Variants in KIF23 observed in about 807,000 individuals in gnomAD.
The protein encoded by KIF23 is kinesin family member 23.
KIF23 carries 30 observed loss-of-function variants against 137.5 expected under a neutral mutation model. The observed-to-expected ratio is 0.22, with a 90% CI of 0.16 to 0.30. The LOEUF is 0.30. KIF23 is among the 10% of genes least tolerant of loss of function. KIF23 has a pLI of 1.00. For synonymous variants in KIF23, 367 were observed against 391.1 expected, an observed-to-expected ratio of 0.94 and a Z score of 0.73; for missense variants, 920 against 1,194.3, an observed-to-expected ratio of 0.77 and a Z score of 3.38.
At position 69,416,021 on chromosome 15, in the gene KIF23, C is replaced by A. The variant is rs1236416578; in HGVS notation, c.39C>A (p.Thr13=). The A allele has an allele frequency of 6.3e-7, 1 of 1,577,590 alleles. No homozygotes were observed. Among genetic ancestry groups the A allele is most frequent in the Admixed American group, 2.0e-5 (1 of 49,496 alleles). Residue 13 remains threonine, a synonymous_variant, in exon 2 of 24, where the codon ACC becomes ACA. Transcript: ENST00000679126. The part of the protein sequence containing the change: ...SARAKTPRKP[T]VKKGSQTNLK... ...GAGCTAAGACACCCCGGAAACCTAC[C>A]GTGAAAAAAGGGTCCCAAACGAACC...
chr15:69,429,803 T>A (rs978848800), intron 11 of KIF23, among the ~76,000 whole-genome samples: 19 of 152,118 alleles, frequency 1.2e-4, no homozygotes, highest in African/African-American at 4.6e-4. Context: ...TGTGGATCAC[T>A]TGAGCCCAGG....
At chr15:69,436,760 ATTT>A in intron 15 of KIF23, 38 bp downstream of exon 15, 2 of 1,080,496 alleles carry the variant, frequency 1.9e-6, no homozygotes, top group East Asian at 3.4e-5. Flanking sequence ...TTATTTAATT[ATTT>A]TTTTTTTTTG....
Position 69,417,386 on chromosome 15 carries a change from T to C in KIF23, c.85T>C (p.Tyr29His). The change falls in exon 3 of 24, where the codon TAC becomes CAC. Residue 29 changes from tyrosine to histidine, a missense_variant. Tyr to His is a moderately conservative substitution (Grantham distance 83). Transcript: ENST00000679126. ...AAGCACCTTCCTATTTCTTCAGGTA[T>C]ACTGTAGGGTGCGCCCACTGGGCTT... ...QTNLKDPVGV[Y>H]CRVRPLGFPD... 1.9e-6 allele frequency: 3 copies of C among 1,597,718 alleles called. No homozygotes were observed. The highest frequency in any genetic ancestry group is 4.5e-5 in the East Asian group (2 of 44,498).
Position 69,436,300 on chromosome 15 carries a change from C to A in KIF23, c.1438+39C>A, listed in dbSNP as rs747761607. 15 of 1,569,780 alleles carry A rather than the reference C, an allele frequency of 9.6e-6. No individual in the cohort carries two copies. The South Asian group carries it at 1.8e-4, about 19-fold the overall frequency. On this transcript the variant is annotated intron_variant, in intron 14 of 23. Coordinates refer to ENST00000679126, the MANE Select transcript of KIF23 (RefSeq NM_001367805.3). ...TTGTATCATTTGTCCACTCATTGGT[C>A]TGTCTGTTTCTCTCTTTTTTAAAAA...
chr15:69,437,443 A>G (rs1321649599), intron 15 of KIF23, among the ~76,000 whole-genome samples: 4 of 150,860 alleles, frequency 2.7e-5, no homozygotes, highest in Non-Finnish European at 5.9e-5. Context: ...ATCTCAGTGA[A>G]TGAATGTATC....
At chr15:69,415,183 C>G (rs1879837879) in intron 1 of KIF23, among the ~76,000 whole-genome samples, 1 of 152,078 alleles carries the variant, frequency 6.6e-6, no homozygotes, top group Non-Finnish European at 1.5e-5. Flanking sequence ...CAAAAGACAA[C>G]TTGTTTATTA....
chr15:69,436,020 C>T (rs2057469163), intron 13 of KIF23, 118 bp from the exon 14 acceptor site: 4 of 1,384,588 alleles, frequency 2.9e-6, no homozygotes, highest in Non-Finnish European at 3.9e-6. Flanking sequence ...CACTGCACTC[C>T]AGCCTGGTGA....
In KIF23 at chr15:69,426,433, T is replaced by C; in HGVS notation, c.987T>C (p.Asp329=). The C allele has an allele frequency of 1.2e-6, 2 of 1,614,196 alleles. No homozygotes were observed. The highest frequency in any genetic ancestry group is 2.2e-5 in the South Asian group (2 of 91,088). The change falls in exon 10 of 24, where the codon GAT becomes GAC. Residue 329 remains aspartate, a synonymous_variant. Coordinates refer to ENST00000679126, the MANE Select transcript of KIF23 (RefSeq NM_001367805.3). ...FNIKLVQAPL[D]ADGDNVLQEK... ...TTAAATTAGTTCAGGCTCCCTTGGA[T>C]GCAGATGGAGACAATGTCTTACAGG...
At chr15:69,445,577 A>G (rs2057723344) in intron 20 of KIF23, among the ~76,000 whole-genome samples, 2 of 151,968 alleles carry the variant, frequency 1.3e-5, no homozygotes, top group Admixed American at 6.6e-5. Flanking sequence ...TTTTATTTCA[A>G]TTTCAATTTA....
chr15:69,436,310 C>CCTG, intron 14 of KIF23, 49 bp downstream of exon 14: 1 of 1,562,658 alleles, frequency 6.4e-7, no homozygotes, highest in Non-Finnish European at 8.6e-7. Flanking sequence ...CTGTCTGTTT[C>CCTG]TCTCTTTTTT....
intron 11 of KIF23, among the ~76,000 whole-genome samples, chr15:69,430,156 G>A (rs867093031): frequency 6.6e-6 from 1 of 152,096 alleles, no homozygotes; most frequent in African/African-American, 2.4e-5. Flanking sequence ...CCAATTGAAG[G>A]CTTTAAATAT....
intron 9 of KIF23, 31 bp downstream of exon 9, chr15:69,426,213 G>A (rs1300003554): frequency 3.1e-6 from 5 of 1,588,308 alleles, no homozygotes; most frequent in African/African-American, 1.4e-5. Context: ...GAAAAATACA[G>A]AATGATGAAT....
At chr15:69,446,127 G>T in intron 21 of KIF23, 36 bp downstream of exon 21, 1 of 1,577,712 alleles carries the variant, frequency 6.3e-7, no homozygotes, top group Non-Finnish European at 8.7e-7. Flanking sequence ...ATAAAAGTTG[G>T]TCATTTTCTT....
rs148355467 is a variant in KIF23 at position 69,436,392 on chromosome 15, A to G, written c.1438+131A>G. On this transcript the variant is annotated intron_variant, in intron 14 of 23. Coordinates refer to ENST00000679126, the MANE Select transcript of KIF23 (RefSeq NM_001367805.3). ...GAACCAAGCACATAATAATTTGAAC[A>G]AAATTTAAATGAGCTTATTTTGCAT... is the stretch of plus-strand genomic sequence containing the variant. The G allele has an allele frequency of 1.0e-3, 1,318 of 1,313,806 alleles. 13 individuals are homozygous for G. The African/African-American group carries it at 0.018, about 18-fold the overall frequency. 81.4% of individuals were successfully genotyped at this position (1,313,806 alleles called of 1,614,324 possible).
chr15:69,417,367 CT>C lies in KIF23; in HGVS notation c.82-14del. 6.5e-7 allele frequency: 1 copy of C among 1,547,764 alleles called. No individual in the cohort carries two copies. Among genetic ancestry groups the C allele is most frequent in the Non-Finnish European group, 8.7e-7 (1 of 1,148,858 alleles). On this transcript the variant is annotated splice_polypyrimidine_tract_variant and intron_variant, in intron 2 of 23. Coordinates refer to ENST00000679126, the MANE Select transcript of KIF23 (RefSeq NM_001367805.3). ...AGGTCGAACTTTCTTCTTAAAGCACCTTCCTATTTCTTCAGGTATACTGTAG... is the reference window on the plus strand; with the variant it reads ...AGGTCGAACTTTCTTCTTAAAGCACCTCCTATTTCTTCAGGTATACTGTAG...
At chr15:69,434,737 C>A in intron 11 of KIF23, 1 of 1,291,830 alleles carries the variant, frequency 7.7e-7, no homozygotes, top group Non-Finnish European at 1.1e-6. Flanking sequence ...TCCTTGGGCA[C>A]GAACGCGCTG....
chr15:69,446,633 T>G (rs1310900000), intron 22 of KIF23: 11 of 617,864 alleles, frequency 1.8e-5, no homozygotes. Context: ...CCAACTCTCT[T>G]TGCAAACTTA....
At chr15:69,423,121 G>T in intron 6 of KIF23, 38 bp from the exon 7 acceptor site, 1 of 1,333,454 alleles carries the variant, frequency 7.5e-7, no homozygotes, top group Non-Finnish European at 1.1e-6. Context: ...TTTTAAAATG[G>T]ACTTATAACG....
chr15:69,424,198 C>A (rs2057131394), intron 7 of KIF23, among the ~76,000 whole-genome samples: 5 of 152,176 alleles, frequency 3.3e-5, no homozygotes, highest in Admixed American at 3.3e-4. Flanking sequence ...ATACTTGATA[C>A]AAGCATTTCT....
Sources: gnomAD v4.1 joint callset for allele counts (sites outside exome capture counted in the v4.1 genomes callset) on GRCh38, gnomAD v4.1.1 for gene constraint, MANE v1.5 for transcripts, NCBI Gene and HGNC (gene_info 2026-07-23, HGNC 2026-07-21) for gene names.